TEAD4: variants seen among roughly 807,000 people sequenced by gnomAD.
TEAD4 encodes transcriptional enhancer factor TEF-3.
In TEAD4, 36 loss-of-function variants were observed where a neutral mutation model predicts 52.4. That is an observed-to-expected ratio of 0.69 (90% CI 0.53 to 0.91). TEAD4 has a LOEUF of 0.91. TEAD4 is among the 40% of genes least tolerant of loss of function. The pLI, the probability that TEAD4 is intolerant of heterozygous loss-of-function variation, is 0.00. For synonymous variants in TEAD4, 220 were observed against 231.0 expected, an observed-to-expected ratio of 0.95 and a Z score of 0.43; for missense variants, 508 against 583.9, an observed-to-expected ratio of 0.87 and a Z score of 1.34.
At chr12:3,038,214 A>G (rs2098280587) in intron 11 of TEAD4, 106 bp downstream of exon 11, 1 of 1,436,032 alleles carries the variant, frequency 7.0e-7, no homozygotes, top group Admixed American at 2.0e-5. Flanking sequence ...GGGAGCCAGG[A>G]TAATCCCTTG....
intron 2 of TEAD4, among the ~76,000 whole-genome samples, chr12:2,962,346 A>ATATATTTTTT (rs1350931012): frequency 7.8e-6 from 1 of 128,062 alleles, no homozygotes; most frequent in African/African-American, 3.0e-5. Flanking sequence ...ATATATATAT[A>ATATATTTTTT]TTTTTTGAGA....
intron 10 of TEAD4, among the ~76,000 whole-genome samples, chr12:3,023,586 G>C (rs952987177): frequency 6.8e-6 from 1 of 146,472 alleles, no homozygotes; most frequent in Non-Finnish European, 1.5e-5. Flanking sequence ...AGGAGTTCAA[G>C]AACAGCTTGA....
chr12:2,980,570 T>TA (rs2098233356), intron 2 of TEAD4, among the ~76,000 whole-genome samples: 1 of 151,298 alleles, frequency 6.6e-6, no homozygotes, highest in Admixed American at 6.6e-5. Context: ...CCACCTCTAC[T>TA]AAAAAAACAA....
At chr12:3,021,024 C>T (rs572761341) in intron 9 of TEAD4, among the ~76,000 whole-genome samples, 23 of 152,214 alleles carry the variant, frequency 1.5e-4, no homozygotes, top group African/African-American at 5.5e-4. Context: ...CCTCCCTGTC[C>T]TGTGTTCCTC....
At chr12:3,036,219 T>C (rs912920431) in intron 10 of TEAD4, among the ~76,000 whole-genome samples, 4 of 152,174 alleles carry the variant, frequency 2.6e-5, no homozygotes, top group Non-Finnish European at 5.9e-5. Context: ...CAGCCTTTTT[T>C]TCCTCATCAT....
At chr12:2,982,535 G>A (rs150189592) in intron 2 of TEAD4, among the ~76,000 whole-genome samples, 153 of 152,348 alleles carry the variant, frequency 1.0e-3, no homozygotes, top group African/African-American at 3.5e-3. Flanking sequence ...GAGGAGGCTG[G>A]TGCTGGCTTA....
intron 10 of TEAD4, among the ~76,000 whole-genome samples, chr12:3,033,395 C>T (rs1390352234): frequency 6.6e-6 from 1 of 152,246 alleles, no homozygotes; most frequent in Non-Finnish European, 1.5e-5. Flanking sequence ...CCCTTCCTCC[C>T]CCAGAGCCCC....
At chr12:3,025,321 C>T (rs1010375069) in intron 10 of TEAD4, among the ~76,000 whole-genome samples, 1 of 152,226 alleles carries the variant, frequency 6.6e-6, no homozygotes, top group African/African-American at 2.4e-5. Flanking sequence ...CTAGCTCTTG[C>T]ATTTCTCTCT....
chr12:2,988,104 C>G (rs190905877), intron 2 of TEAD4, among the ~76,000 whole-genome samples: 374 of 151,958 alleles, frequency 2.5e-3, no homozygotes, highest in African/African-American at 8.5e-3. Context: ...AATAAAAAAT[C>G]ACAATTTCAT....
intron 3 of TEAD4, among the ~76,000 whole-genome samples, chr12:3,002,210 A>G (rs2098252292): frequency 6.6e-6 from 1 of 152,178 alleles, no homozygotes; most frequent in Admixed American, 6.5e-5. Flanking sequence ...CCTCTTTTTT[A>G]AGGCTGGGTA....
At chr12:2,962,367 C>T (rs1435563640) in intron 2 of TEAD4, among the ~76,000 whole-genome samples, 1 of 57,198 alleles carries the variant, frequency 1.7e-5, no homozygotes, top group Non-Finnish European at 4.8e-5. Context: ...TGGAGTTTCG[C>T]TCTTGTTGCC....
At chr12:3,026,103 C>T (rs955262786) in intron 10 of TEAD4, among the ~76,000 whole-genome samples, 6 of 152,052 alleles carry the variant, frequency 3.9e-5, no homozygotes, top group Non-Finnish European at 5.9e-5. Context: ...GAAATGTACT[C>T]GTATTATTTC....
Position 3,020,614 on chromosome 12 carries a change from G to A in TEAD4, c.584-20G>A. The A allele has an allele frequency of 6.6e-7, 1 of 1,516,862 alleles. No individual in the cohort carries two copies. The highest frequency in any genetic ancestry group is 1.4e-5 in the African/African-American group (1 of 71,468). 94.0% of individuals were successfully genotyped at this position (1,516,862 alleles called of 1,614,324 possible). ...GGGTGTCCGTGACCAGGTTCCATGT[G>A]CCTTTCTCACTTTGTGCAGGGTTTG... On this transcript the variant is annotated intron_variant, in intron 8 of 12. Coordinates refer to ENST00000359864, the MANE Select transcript of TEAD4 (RefSeq NM_003213.4).
chr12:3,020,674 G>GC lies in TEAD4; in HGVS notation c.629dup (p.Ala211GlyfsTer62). On this transcript the variant is annotated frameshift_variant, in exon 9 of 13. Coordinates refer to ENST00000359864, the MANE Select transcript of TEAD4 (RefSeq NM_003213.4). LOFTEE classifies it high-confidence loss of function. ...CAGGGCCCGCCCCATCGCCCTCTGC[G>GC]CCCCCGGCACCCCCATGGCAGGGCC... 6.2e-7 allele frequency: 1 copy of GC among 1,603,406 alleles called. No individual in the cohort carries two copies.
chr12:2,988,833 G>A (rs915937498), intron 2 of TEAD4, among the ~76,000 whole-genome samples: 10 of 152,160 alleles, frequency 6.6e-5, no homozygotes, highest in African/African-American at 1.7e-4. Flanking sequence ...GACTGTGTTC[G>A]AGGAGCTTCC....
At chr12:2,968,785 A>G (rs1267604518) in intron 2 of TEAD4, among the ~76,000 whole-genome samples, 2 of 151,974 alleles carry the variant, frequency 1.3e-5, no homozygotes, top group Admixed American at 1.3e-4. Flanking sequence ...AGTAGCTGGG[A>G]TGACAGGTTT....
chr12:2,962,928 A>G (rs1591549163), intron 2 of TEAD4, among the ~76,000 whole-genome samples: 1 of 150,880 alleles, frequency 6.6e-6, no homozygotes, highest in Admixed American at 6.6e-5. Context: ...TACACCCCCT[A>G]CTCCCCCTAG....
chr12:3,033,914 T>A (rs2098277584), intron 10 of TEAD4, among the ~76,000 whole-genome samples: 1 of 146,688 alleles, frequency 6.8e-6, no homozygotes, highest in Non-Finnish European at 1.5e-5. Context: ...GAGGCTGTAA[T>A]TAGAAGGATC....
chr12:3,039,990 G>T, intron 11 of TEAD4, 117 bp from the exon 12 acceptor site: 1 of 1,397,440 alleles, frequency 7.2e-7, no homozygotes, highest in Non-Finnish European at 9.8e-7. Context: ...CCTGGCTGGG[G>T]GTGACTCTTT....
Sources: gnomAD v4.1 joint callset for allele counts (sites outside exome capture counted in the v4.1 genomes callset) on GRCh38, gnomAD v4.1.1 for gene constraint, MANE v1.5 for transcripts, NCBI Gene and HGNC (gene_info 2026-07-23, HGNC 2026-07-21) for gene names.